Variants in GALNT18 observed in about 807,000 individuals in gnomAD.
The protein encoded by GALNT18 is GalNAc-transferase 18.
In GALNT18, 44 loss-of-function variants were observed where a neutral mutation model predicts 69.5. That is an observed-to-expected ratio of 0.63 (90% confidence interval 0.50 to 0.81). The LOEUF (loss-of-function observed/expected upper bound fraction) is 0.81, where lower values mean the gene tolerates loss of function less well. GALNT18 is among the 40% of genes least tolerant of loss of function. The probability of loss-of-function intolerance (pLI) is 0.00; values close to 1 mark genes in which losing one functional copy is unlikely to be tolerated. For synonymous variants in GALNT18, 364 were observed against 318.2 expected, an observed-to-expected ratio of 1.14 and a Z score of -1.53; for missense variants, 715 against 810.0, an observed-to-expected ratio of 0.88 and a Z score of 1.42.
In GALNT18 at chr11:11,588,697, T is replaced by C. The variant is rs150757056; in HGVS notation, c.235+32662A>G. Among the ~76,000 whole-genome samples, 143 of 152,176 alleles carry C rather than the reference T, an allele frequency of 9.4e-4. 2 individuals carry two copies. Among genetic ancestry groups the C allele is most frequent in the South Asian group, 2.1e-3 (10 of 4,810 alleles). On this transcript the variant is annotated intron_variant, in intron 1 of 10. Transcript: ENST00000227756. ...TCTGTTTCCTCTATCCATAGAGGAG[T>C]ACTGCAAACAGGTAATCTGGCTTCA...
At chr11:11,296,511 G>C (rs561738282) in intron 9 of GALNT18, among the ~76,000 whole-genome samples, 2 of 152,300 alleles carry the variant, frequency 1.3e-5, no homozygotes, top group African/African-American at 4.8e-5. Context: ...GTGAGACAAG[G>C]ACAGCCAGGG....
chr11:11,327,314 A>C (rs1035029166), intron 8 of GALNT18, 133 bp from the exon 9 acceptor site: 1 of 678,604 alleles, frequency 1.5e-6, no homozygotes, highest in East Asian at 2.7e-5. Context: ...CTTGAACACT[A>C]TAGAACCAAC....
At chr11:11,525,744 C>G (rs1051464144) in intron 1 of GALNT18, among the ~76,000 whole-genome samples, 7 of 150,066 alleles carry the variant, frequency 4.7e-5, no homozygotes, top group African/African-American at 1.5e-4. Context: ...AAGCAATTCT[C>G]CTGCCTCAGC....
intron 10 of GALNT18, among the ~76,000 whole-genome samples, chr11:11,279,129 TAA>T (rs1849012381): frequency 6.6e-6 from 1 of 152,170 alleles, no homozygotes; most frequent in Non-Finnish European, 1.5e-5. Flanking sequence ...GCTGGTCATT[TAA>T]AAGTGTGTGG....
chr11:11,360,314 C>T (rs1189942663), intron 6 of GALNT18, among the ~76,000 whole-genome samples: 1 of 152,238 alleles, frequency 6.6e-6, no homozygotes, highest in Non-Finnish European at 1.5e-5. Context: ...TTGCTCCCTT[C>T]TGCTGCTCTC....
intron 9 of GALNT18, among the ~76,000 whole-genome samples, chr11:11,308,420 G>A (rs772589328): frequency 4.4e-4 from 67 of 151,962 alleles, no homozygotes; most frequent in African/African-American, 7.0e-4. Context: ...TCTGTGCTTC[G>A]TCCCCAGTTG....
rs553824458 is a variant in GALNT18, at chr11:11,492,984, C to T, written c.236-44048G>A. Among the ~76,000 whole-genome samples the T allele has an allele frequency of 2.0e-4, 30 of 152,126 alleles. No individual in the cohort carries two copies. The East Asian group carries it at 2.5e-3, about 13-fold the overall frequency. On this transcript the variant is annotated intron_variant, in intron 1 of 10. Coordinates refer to ENST00000227756, the MANE Select transcript of GALNT18 (RefSeq NM_198516.3). The stretch of plus-strand genomic sequence containing the variant: ...GCCATGACTTTAAAATTTCTTGGGC[C>T]GGGTGCAGTGGCTCACACCTGTAAT...
chr11:11,409,189 T>C (rs1190808691), intron 3 of GALNT18, among the ~76,000 whole-genome samples: 1 of 152,186 alleles, frequency 6.6e-6, no homozygotes, highest in African/African-American at 2.4e-5. Context: ...TCTGCCCACC[T>C]GCTTCTAGCT....
At chr11:11,597,396 C>A (rs1565034149) in intron 1 of GALNT18, among the ~76,000 whole-genome samples, 1 of 152,090 alleles carries the variant, frequency 6.6e-6, no homozygotes, top group African/African-American at 2.4e-5. Flanking sequence ...GTAGAAGTTA[C>A]CCAGTAAAGC....
At chr11:11,478,035 C>A (rs1021046932) in intron 1 of GALNT18, among the ~76,000 whole-genome samples, 1 of 152,164 alleles carries the variant, frequency 6.6e-6, no homozygotes, top group Non-Finnish European at 1.5e-5. Flanking sequence ...GAGGGAGGGG[C>A]TTTATGCTCT....
intron 10 of GALNT18, among the ~76,000 whole-genome samples, chr11:11,286,112 C>T (rs549783219): frequency 1.2e-4 from 19 of 152,278 alleles, no homozygotes; most frequent in Admixed American, 1.1e-3. Flanking sequence ...CCTGCATACC[C>T]TTGAACTCTA....
chr11:11,299,691 C>G (rs10831578), intron 9 of GALNT18, among the ~76,000 whole-genome samples: 2 of 152,064 alleles, frequency 1.3e-5, no homozygotes, highest in African/African-American at 4.8e-5. Flanking sequence ...GGTATATATA[C>G]CACATTTTCT....
intron 1 of GALNT18, among the ~76,000 whole-genome samples, chr11:11,514,383 C>T (rs925044844): frequency 1.3e-5 from 2 of 152,170 alleles, no homozygotes; most frequent in Admixed American, 1.3e-4. Context: ...CCTGAAGCCA[C>T]CTCCAAGGAA....
Position 11,469,644 on chromosome 11 carries a change from C to T in GALNT18, c.236-20708G>A, listed in dbSNP as rs1007635841. On this transcript the variant is annotated intron_variant, in intron 1 of 10. Transcript: ENST00000227756. The surrounding 1 kb of genome is among the most constrained non-coding windows in gnomAD (Gnocchi z 4.2). ...TCTCTGAAAGCAAGGATCATCCATG[C>T]CCTTGTCAGCTGAGGGTCTCAGGGC... is the stretch of plus-strand genomic sequence containing the variant. Among the ~76,000 whole-genome samples, 11 of 152,204 alleles carry T rather than the reference C, an allele frequency of 7.2e-5. No individual in the cohort carries two copies. Among genetic ancestry groups the T allele is most frequent in the Non-Finnish European group, 1.5e-4 (10 of 68,042 alleles).
At chr11:11,345,185 A>T (rs573671950) in intron 6 of GALNT18, among the ~76,000 whole-genome samples, 1 of 152,268 alleles carries the variant, frequency 6.6e-6, no homozygotes, top group East Asian at 1.9e-4. Context: ...AAGGGCACTC[A>T]TCTATAGAGA....
At chr11:11,429,225 C>CTGAAT (rs1182018460) in intron 3 of GALNT18, among the ~76,000 whole-genome samples, 1 of 152,200 alleles carries the variant, frequency 6.6e-6, no homozygotes, top group African/African-American at 2.4e-5. Flanking sequence ...AGACAGTTCT[C>CTGAAT]TTATTCCTGA....
chr11:11,360,244 G>C (rs1189122553), intron 6 of GALNT18, among the ~76,000 whole-genome samples: 3 of 152,180 alleles, frequency 2.0e-5, no homozygotes, highest in African/African-American at 4.8e-5. Flanking sequence ...CCTTCCTCAG[G>C]AGTCTGCCTC....
chr11:11,280,370 C>G (rs1057422082), intron 10 of GALNT18, among the ~76,000 whole-genome samples: 4 of 152,144 alleles, frequency 2.6e-5, no homozygotes, highest in African/African-American at 9.7e-5. Context: ...CTAATGGCCT[C>G]TGTGGCCATG....
In GALNT18 at chr11:11,454,507, CCTCT is replaced by C. The variant is rs563973696; in HGVS notation, c.236-5575_236-5572del. Among the ~76,000 whole-genome samples, 8 of 150,300 alleles carry C rather than the reference CCTCT, an allele frequency of 5.3e-5. No individual in the cohort carries two copies. The South Asian group carries it at 6.4e-4, about 12-fold the overall frequency. On this transcript the variant is annotated intron_variant, in intron 1 of 10. Coordinates refer to ENST00000227756, the MANE Select transcript of GALNT18 (RefSeq NM_198516.3). This position sits in a 1 kb window ranked among gnomAD's most constrained non-coding sequence, Gnocchi z 4.2. Reference sequence around the variant, plus strand: ...AGAAGGAGGCTGTGTCTTCTTCTTGCCTCTCTCTCTCTCTCTCTTTCAAATCTCA... The same window carrying C: ...AGAAGGAGGCTGTGTCTTCTTCTTGCCTCTCTCTCTCTCTTTCAAATCTCA...
Sources: allele counts gnomAD v4.1 joint callset (sites outside exome capture counted in the v4.1 genomes callset), GRCh38; gene constraint gnomAD v4.1.1; non-coding constraint Gnocchi (gnomAD v3.1); transcripts MANE v1.5; gene names NCBI Gene and HGNC (gene_info 2026-07-23, HGNC 2026-07-21).